EFNA5: variants seen among roughly 807,000 people sequenced by gnomAD.
EFNA5 encodes ephrin-A5.
A neutral mutation model predicts 22.9 loss-of-function variants in EFNA5; 5 were observed. The observed-to-expected ratio is 0.22, with a 90% CI of 0.11 to 0.46. The LOEUF (loss-of-function observed/expected upper bound fraction) is 0.46, where lower values mean the gene tolerates loss of function less well. EFNA5 is among the 20% of genes least tolerant of loss of function. The pLI is 0.99. For missense variants in EFNA5, 237 were observed against 293.3 expected, an observed-to-expected ratio of 0.81 and a Z score of 1.40; for synonymous variants, 113 against 112.2, an observed-to-expected ratio of 1.01 and a Z score of -0.04.
intron 1 of EFNA5, among the ~76,000 whole-genome samples, chr5:107,450,229 G>C (rs1269351849): frequency 6.6e-6 from 1 of 152,088 alleles, no homozygotes; most frequent in Non-Finnish European, 1.5e-5. Context: ...AAACAAAATG[G>C]CTTTTTAAGC....
At chr5:107,403,103 C>T (rs2112391483) in intron 2 of EFNA5, among the ~76,000 whole-genome samples, 1 of 152,294 alleles carries the variant, frequency 6.6e-6, no homozygotes, top group East Asian at 1.9e-4. Context: ...ATGCGCATGA[C>T]ATGTTCATTA....
chr5:107,613,341 T>C (rs1172431347), intron 1 of EFNA5, among the ~76,000 whole-genome samples: 1 of 152,058 alleles, frequency 6.6e-6, no homozygotes, highest in Non-Finnish European at 1.5e-5. Context: ...GTTAAAGAAA[T>C]GATATGTAAG....
chr5:107,485,305 T>C (rs1746581967), intron 1 of EFNA5, among the ~76,000 whole-genome samples: 1 of 152,174 alleles, frequency 6.6e-6, no homozygotes, highest in Non-Finnish European at 1.5e-5. Flanking sequence ...AACATTAAAA[T>C]GCAAATTCAA....
chr5:107,521,456 C>CTATA (rs56039409), intron 1 of EFNA5, among the ~76,000 whole-genome samples: 2,642 of 124,340 alleles, frequency 0.021, 57 homozygotes, highest in Non-Finnish European at 0.034. Context: ...CCACACCTGG[C>CTATA]TATATATATA....
intron 1 of EFNA5, among the ~76,000 whole-genome samples, chr5:107,527,581 A>G (rs901685445): frequency 2.0e-5 from 3 of 151,072 alleles, no homozygotes; most frequent in Admixed American, 6.6e-5. Flanking sequence ...CACTGCACCC[A>G]GCCTAAAACA....
At chr5:107,638,376 G>C (rs899860766) in intron 1 of EFNA5, among the ~76,000 whole-genome samples, 8 of 152,118 alleles carry the variant, frequency 5.3e-5, no homozygotes, top group African/African-American at 1.9e-4. Flanking sequence ...AGAGATGTTA[G>C]TCAAAGAACA....
chr5:107,498,274 C>T (rs1747039976), intron 1 of EFNA5, among the ~76,000 whole-genome samples: 1 of 152,228 alleles, frequency 6.6e-6, no homozygotes, highest in African/African-American at 2.4e-5. Context: ...GAGCATTTAA[C>T]TTACATGTGG....
intron 2 of EFNA5, chr5:107,426,919 T>C (rs1323420091): frequency 3.3e-6 from 1 of 302,998 alleles, no homozygotes; most frequent in East Asian, 6.6e-5. Context: ...AGGAGTCTTT[T>C]TTTCTTTTCC....
At chr5:107,485,602 A>G (rs1056999443) in intron 1 of EFNA5, among the ~76,000 whole-genome samples, 1 of 152,128 alleles carries the variant, frequency 6.6e-6, no homozygotes, top group Non-Finnish European at 1.5e-5. Flanking sequence ...CCTACTTCCT[A>G]TGGATTATGT....
At chr5:107,432,482 C>G (rs1010820920) in intron 1 of EFNA5, among the ~76,000 whole-genome samples, 1 of 152,122 alleles carries the variant, frequency 6.6e-6, no homozygotes, top group African/African-American at 2.4e-5. Context: ...CAGTTCTATA[C>G]CTCTATCTGA....
intron 1 of EFNA5, among the ~76,000 whole-genome samples, chr5:107,523,460 A>C (rs933639880): frequency 6.6e-6 from 1 of 152,196 alleles, no homozygotes; most frequent in South Asian, 2.1e-4. Context: ...AAAAGGCTAC[A>C]TCAGATCCAA....
intron 1 of EFNA5, among the ~76,000 whole-genome samples, chr5:107,463,940 G>A (rs1374193220): frequency 6.6e-6 from 1 of 152,152 alleles, no homozygotes; most frequent in East Asian, 1.9e-4. Context: ...GTGGCATCAA[G>A]TACCTCATAT....
At chr5:107,387,953 G>C (rs998066031) in intron 2 of EFNA5, among the ~76,000 whole-genome samples, 182 bp from the exon 3 acceptor site, 5 of 152,136 alleles carry the variant, frequency 3.3e-5, no homozygotes, top group African/African-American at 1.2e-4. Flanking sequence ...CTATAGAAAG[G>C]CTACTTTCAT....
intron 1 of EFNA5, among the ~76,000 whole-genome samples, chr5:107,476,057 T>TATATATATATATATATATATATG: frequency 3.0e-5 from 3 of 100,408 alleles, no homozygotes; most frequent in East Asian, 3.4e-4. Flanking sequence ...TATATATATA[T>TATATATATATATATATATATATG]TTTTTTTTTT....
chr5:107,433,900 C>CAA (rs35303771), intron 1 of EFNA5, among the ~76,000 whole-genome samples: 15 of 130,662 alleles, frequency 1.1e-4, no homozygotes, highest in Non-Finnish European at 1.7e-4. Flanking sequence ...GACCCTGTCT[C>CAA]AAAAAAAAAA....
intron 1 of EFNA5, among the ~76,000 whole-genome samples, chr5:107,648,676 G>GT (rs1201501368): frequency 6.6e-6 from 1 of 152,130 alleles, no homozygotes; most frequent in African/African-American, 2.4e-5. Context: ...GATAAGGGAT[G>GT]TTGGATGGTT....
chr5:107,654,979 CACATGCAATCTGATCAATCA>C (rs1561461398), intron 1 of EFNA5, among the ~76,000 whole-genome samples: 1 of 151,498 alleles, frequency 6.6e-6, no homozygotes, highest in Non-Finnish European at 1.5e-5. Flanking sequence ...GATAGCTATA[CACATGCAATCTGATCAATCA>C]ACATGCGCTC....
chr5:107,565,296 C>T (rs1037412686), intron 1 of EFNA5, among the ~76,000 whole-genome samples: 6 of 152,128 alleles, frequency 3.9e-5, no homozygotes, highest in Non-Finnish European at 8.8e-5. Context: ...GAAAATAGTA[C>T]GCATAGCTAT....
At chr5:107,399,730 C>A (rs1417865297) in intron 2 of EFNA5, among the ~76,000 whole-genome samples, 1 of 152,162 alleles carries the variant, frequency 6.6e-6, no homozygotes, top group Admixed American at 6.5e-5. Context: ...CCAAACTGTG[C>A]TGAGGGATAC....
Sources: gnomAD v4.1 joint callset for allele counts (sites outside exome capture counted in the v4.1 genomes callset) on GRCh38, gnomAD v4.1.1 for gene constraint, MANE v1.5 for transcripts, NCBI Gene and HGNC (gene_info 2026-07-23, HGNC 2026-07-21) for gene names.